GABRB1: variants seen among roughly 807,000 people sequenced by gnomAD.
GABRB1 encodes gamma-aminobutyric acid type A receptor subunit beta1.
In GABRB1, 17 loss-of-function variants were observed where a neutral mutation model predicts 51.6. That is an observed-to-expected ratio of 0.33 (90% CI 0.23 to 0.49). The LOEUF is 0.49. Ranked by LOEUF, GABRB1 falls within the 20% of genes least tolerant of loss-of-function variation. The pLI, the probability that GABRB1 is intolerant of heterozygous loss-of-function variation, is 0.99. For synonymous variants in GABRB1, 247 were observed against 218.9 expected (o/e 1.13, Z -1.14); for missense variants, 410 against 600.6 (o/e 0.68, Z 3.32).
At chr4:47,390,482 C>T (rs867531229) in intron 5 of GABRB1, among the ~76,000 whole-genome samples, 1 of 152,144 alleles carries the variant, frequency 6.6e-6, no homozygotes, top group Non-Finnish European at 1.5e-5. Context: ...GTTTCAAGTA[C>T]CAAAAGAATA....
intron 4 of GABRB1, among the ~76,000 whole-genome samples, chr4:47,268,222 A>T (rs1722716304): frequency 1.3e-5 from 2 of 152,236 alleles, no homozygotes; most frequent in African/African-American, 4.8e-5. Context: ...ATACTTTCTT[A>T]CAAAGTTGCT....
chr4:47,228,720 G>A (rs995577963), intron 4 of GABRB1, among the ~76,000 whole-genome samples: 1 of 152,070 alleles, frequency 6.6e-6, no homozygotes, highest in Admixed American at 6.6e-5. Context: ...GGCAACAGGG[G>A]CCTCAGCTAA....
chr4:47,351,959 G>A (rs939478320), intron 5 of GABRB1, among the ~76,000 whole-genome samples: 3 of 152,016 alleles, frequency 2.0e-5, no homozygotes, highest in African/African-American at 7.3e-5. Flanking sequence ...GGTATTTCTA[G>A]TTCTAGATCC....
rs898589883 is a variant in GABRB1 at position 47,351,322 on chromosome 4, C to T, written c.544+31113C>T. 8.5e-5 allele frequency among the ~76,000 whole-genome samples: 13 copies of T among 152,234 alleles called. 1 individual carries two copies. The highest frequency in any genetic ancestry group is 7.8e-4 in the Admixed American group (12 of 15,294). Reference sequence around the variant, plus strand: ...GGCCAAGTGTGTCTATAATAATTCCCCCCAAAAAATATCCAATCCAACCAA... The same window carrying T: ...GGCCAAGTGTGTCTATAATAATTCCTCCCAAAAAATATCCAATCCAACCAA... On this transcript the variant is annotated intron_variant, in intron 5 of 8. Coordinates refer to ENST00000295454, the MANE Select transcript of GABRB1 (RefSeq NM_000812.4).
At chr4:47,211,237 C>A (rs1445460926) in intron 4 of GABRB1, among the ~76,000 whole-genome samples, 2 of 152,142 alleles carry the variant, frequency 1.3e-5, no homozygotes, top group Admixed American at 1.3e-4. Context: ...TGTAGCTTAG[C>A]TGTTCATTCC....
At chr4:47,227,309 C>T (rs1720979090) in intron 4 of GABRB1, among the ~76,000 whole-genome samples, 1 of 152,022 alleles carries the variant, frequency 6.6e-6, no homozygotes, top group Admixed American at 6.6e-5. Context: ...GGTAAGGATA[C>T]CAATAACATT....
At chr4:47,230,655 G>C (rs1011909474) in intron 4 of GABRB1, among the ~76,000 whole-genome samples, 1 of 152,164 alleles carries the variant, frequency 6.6e-6, no homozygotes, top group Admixed American at 6.5e-5. Context: ...TTCTCTTATG[G>C]ATCTCTATCT....
chr4:47,396,085 G>A (rs566576413), intron 5 of GABRB1, among the ~76,000 whole-genome samples: 2 of 152,100 alleles, frequency 1.3e-5, no homozygotes, highest in Admixed American at 6.6e-5. Flanking sequence ...ATACACACCC[G>A]AGACTGGGCA....
chr4:47,086,260 G>A (rs1476230129), intron 3 of GABRB1, among the ~76,000 whole-genome samples: 1 of 152,108 alleles, frequency 6.6e-6, no homozygotes, highest in Non-Finnish European at 1.5e-5. Context: ...GCTCTTCAAA[G>A]ATAAATACAT....
intron 5 of GABRB1, among the ~76,000 whole-genome samples, chr4:47,342,969 T>A (rs1324075298): frequency 1.3e-5 from 2 of 152,026 alleles, no homozygotes; most frequent in Admixed American, 6.6e-5. Context: ...TGGCAAGATG[T>A]GTGGTGTGAA....
chr4:47,263,535 G>T (rs562156455), intron 4 of GABRB1, among the ~76,000 whole-genome samples: 195 of 152,228 alleles, frequency 1.3e-3, no homozygotes, highest in African/African-American at 4.1e-3. Flanking sequence ...CTAAAATACT[G>T]GGATTTTTAG....
intron 4 of GABRB1, among the ~76,000 whole-genome samples, chr4:47,166,241 C>A (rs944462339): frequency 6.6e-6 from 1 of 151,988 alleles, no homozygotes; most frequent in African/African-American, 2.4e-5. Context: ...GGATGAACTG[C>A]GTAAGTCCAT....
At chr4:47,290,476 G>A (rs1444910314) in intron 4 of GABRB1, among the ~76,000 whole-genome samples, 5 of 152,160 alleles carry the variant, frequency 3.3e-5, no homozygotes, top group South Asian at 2.1e-4. Flanking sequence ...GGCATTCCTA[G>A]AAAATACACT....
intron 4 of GABRB1, among the ~76,000 whole-genome samples, chr4:47,268,365 G>A (rs1342429207): frequency 2.0e-5 from 3 of 152,136 alleles, no homozygotes; most frequent in Non-Finnish European, 4.4e-5. Flanking sequence ...AATATAAAAC[G>A]TCAGAAGAAA....
At chr4:47,237,266 T>C (rs896183787) in intron 4 of GABRB1, among the ~76,000 whole-genome samples, 29 of 152,034 alleles carry the variant, frequency 1.9e-4, no homozygotes, top group African/African-American at 7.0e-4. Context: ...AAGAAATCAT[T>C]AATTTCAGTA....
At chr4:47,408,551 A>C (rs1578151958) in intron 8 of GABRB1, among the ~76,000 whole-genome samples, 2 of 152,344 alleles carry the variant, frequency 1.3e-5, no homozygotes, top group South Asian at 4.1e-4. Flanking sequence ...TGTGTGAGGC[A>C]CTATGTTCAG....
intron 3 of GABRB1, among the ~76,000 whole-genome samples, chr4:47,107,887 T>C (rs1425904110): frequency 6.6e-6 from 1 of 152,098 alleles, no homozygotes; most frequent in Non-Finnish European, 1.5e-5. Context: ...CACTTAATCT[T>C]GAGAATGACA....
chr4:47,308,883 T>C (rs1054533564), intron 4 of GABRB1, among the ~76,000 whole-genome samples: 3 of 152,146 alleles, frequency 2.0e-5, no homozygotes, highest in Non-Finnish European at 4.4e-5. Context: ...TAAGAAAAGA[T>C]ACCACACTTG....
intron 8 of GABRB1, among the ~76,000 whole-genome samples, chr4:47,424,720 T>C (rs991013615): frequency 4.6e-5 from 7 of 152,206 alleles, no homozygotes; most frequent in Non-Finnish European, 8.8e-5. Flanking sequence ...CATTTTCACA[T>C]ATGAGCCATG....
Sources: gnomAD v4.1 joint callset for allele counts (sites outside exome capture counted in the v4.1 genomes callset) on GRCh38, gnomAD v4.1.1 for gene constraint, MANE v1.5 for transcripts, NCBI Gene and HGNC (gene_info 2026-07-23, HGNC 2026-07-21) for gene names.